The following ZNF385B variants were observed in gnomAD, a reference collection of about 807,000 sequenced individuals.
The protein encoded by ZNF385B is zinc finger protein 385B, also known as zinc finger protein 533.
ZNF385B carries 23 observed loss-of-function variants against 39.2 expected under a neutral mutation model. The ratio of observed to expected loss-of-function variants is 0.59; its 90% CI spans 0.42 to 0.83. The LOEUF (loss-of-function observed/expected upper bound fraction) is 0.83, where lower values mean the gene tolerates loss of function less well. Among genes scored for constraint, ZNF385B ranks in the 40% least tolerant of loss-of-function variants. ZNF385B has a pLI of 0.00. For missense variants in ZNF385B, 552 were observed against 598.9 expected (o/e 0.92, Z 0.82); for synonymous variants, 205 against 222.6 (o/e 0.92, Z 0.70).
At chr2:179,758,509 G>A (rs1703181671) in intron 3 of ZNF385B, among the ~76,000 whole-genome samples, 1 of 152,134 alleles carries the variant, frequency 6.6e-6, no homozygotes. Flanking sequence ...ACCTCTCAAA[G>A]GCACCACCTC....
intron 3 of ZNF385B, among the ~76,000 whole-genome samples, chr2:179,728,727 T>C (rs967895624): frequency 1.4e-4 from 21 of 152,218 alleles, no homozygotes; most frequent in African/African-American, 2.6e-4. Context: ...CTCTAATCTT[T>C]AGGGAAGACT....
At chr2:179,609,879 A>C (rs1182259744) in intron 3 of ZNF385B, among the ~76,000 whole-genome samples, 1 of 152,192 alleles carries the variant, frequency 6.6e-6, no homozygotes, top group African/African-American at 2.4e-5. Context: ...CCTTTGAGAA[A>C]TGTCTATTCA....
At chr2:179,739,452 G>A (rs1232859812) in intron 3 of ZNF385B, among the ~76,000 whole-genome samples, 1 of 152,182 alleles carries the variant, frequency 6.6e-6, no homozygotes, top group Non-Finnish European at 1.5e-5. Flanking sequence ...GAATAGTTTT[G>A]TTGGTTGAAC....
chr2:179,791,374 A>T (rs1370189556), intron 1 of ZNF385B, among the ~76,000 whole-genome samples: 2 of 152,200 alleles, frequency 1.3e-5, no homozygotes, highest in African/African-American at 4.8e-5. Context: ...AAACCCTGAG[A>T]GCTATACTGA....
intron 1 of ZNF385B, among the ~76,000 whole-genome samples, chr2:179,848,259 C>A (rs1177286599): frequency 6.6e-6 from 1 of 152,138 alleles, no homozygotes; most frequent in East Asian, 1.9e-4. Context: ...AATTTTACAT[C>A]CAGGGACAGT....
chr2:179,847,100 C>T (rs1392683405), intron 1 of ZNF385B, among the ~76,000 whole-genome samples: 1 of 152,178 alleles, frequency 6.6e-6, no homozygotes, highest in Non-Finnish European at 1.5e-5. Context: ...TATACTCTTC[C>T]CCTAAAACTG....
intron 3 of ZNF385B, among the ~76,000 whole-genome samples, chr2:179,612,137 A>G (rs1012020964): frequency 1.3e-5 from 2 of 152,034 alleles, no homozygotes; most frequent in Non-Finnish European, 2.9e-5. Context: ...GTTATCTTAA[A>G]TTTCATTGAG....
Position 179,543,192 on chromosome 2 carries a change from A to G in ZNF385B, c.441+1635T>C, listed in dbSNP as rs369135546. Among the ~76,000 whole-genome samples, 7 of 152,300 alleles carry G rather than the reference A, an allele frequency of 4.6e-5. No individual in the cohort carries two copies. The East Asian group carries it at 1.4e-3, about 29-fold the overall frequency. Reference sequence around the variant, plus strand: ...GAGGCTGAGACACAAGAATCACTTGAACCTGGAAGGTGGAGGCTGCAGTGA... The same window carrying G: ...GAGGCTGAGACACAAGAATCACTTGGACCTGGAAGGTGGAGGCTGCAGTGA... On this transcript the variant is annotated intron_variant, in intron 4 of 9. Transcript: ENST00000410066.
intron 1 of ZNF385B, among the ~76,000 whole-genome samples, chr2:179,773,863 T>G (rs751846609): frequency 1.3e-5 from 2 of 152,224 alleles, no homozygotes; most frequent in Non-Finnish European, 2.9e-5. Context: ...AAACTATGTT[T>G]TATTCATCTT....
intron 6 of ZNF385B, among the ~76,000 whole-genome samples, chr2:179,462,200 C>T (rs150009013): frequency 6.6e-6 from 1 of 152,262 alleles, no homozygotes; most frequent in African/African-American, 2.4e-5. Flanking sequence ...AAGCAATGCC[C>T]ATATTACTGT....
intron 1 of ZNF385B, among the ~76,000 whole-genome samples, chr2:179,800,039 C>T (rs996910141): frequency 2.0e-5 from 3 of 151,994 alleles, no homozygotes; most frequent in South Asian, 4.1e-4. Context: ...AAAACATTTT[C>T]GAATAAAGCA....
At chr2:179,582,803 A>C (rs1357069882) in intron 3 of ZNF385B, among the ~76,000 whole-genome samples, 4 of 152,168 alleles carry the variant, frequency 2.6e-5, no homozygotes, top group African/African-American at 9.7e-5. Context: ...TAATGTCAAC[A>C]TCTTATGTTA....
intron 3 of ZNF385B, among the ~76,000 whole-genome samples, chr2:179,643,134 T>TA (rs1692414793): frequency 6.6e-6 from 1 of 151,764 alleles, no homozygotes; most frequent in Non-Finnish European, 1.5e-5. Context: ...TATTTTTGTT[T>TA]TTTTTTGGTC....
intron 3 of ZNF385B, among the ~76,000 whole-genome samples, chr2:179,570,148 C>A (rs569768096): frequency 9.2e-5 from 14 of 152,094 alleles, no homozygotes; most frequent in Admixed American, 7.2e-4. Context: ...TGAATCATAT[C>A]CAGCCAAGAG....
At chr2:179,530,168 T>C (rs574943072) in intron 4 of ZNF385B, among the ~76,000 whole-genome samples, 15 of 152,302 alleles carry the variant, frequency 9.8e-5, no homozygotes, top group African/African-American at 3.4e-4. Flanking sequence ...TTGTTTTCTT[T>C]TTAAATAGTG....
chr2:179,745,472 A>T (rs1702323198), intron 3 of ZNF385B, among the ~76,000 whole-genome samples: 1 of 152,168 alleles, frequency 6.6e-6, no homozygotes, highest in Admixed American at 6.6e-5. Flanking sequence ...TACTGGTAAG[A>T]TGTCCTCGGC....
At chr2:179,631,872 AAAAC>A (rs1382765600) in intron 3 of ZNF385B, among the ~76,000 whole-genome samples, 1 of 152,062 alleles carries the variant, frequency 6.6e-6, no homozygotes, top group African/African-American at 2.4e-5. Flanking sequence ...ACAAACAAAA[AAAAC>A]AAACAGTGGT....
chr2:179,795,571 T>C (rs923876610), intron 1 of ZNF385B, among the ~76,000 whole-genome samples: 1 of 152,178 alleles, frequency 6.6e-6, no homozygotes, highest in Non-Finnish European at 1.5e-5. Flanking sequence ...TTATAAATAA[T>C]GTAAAGTCTA....
chr2:179,816,959 C>G (rs988023881), intron 1 of ZNF385B, among the ~76,000 whole-genome samples: 1 of 152,054 alleles, frequency 6.6e-6, no homozygotes, highest in Non-Finnish European at 1.5e-5. Context: ...CTTCAAGAAA[C>G]AAACATCTGA....
Sources: allele counts gnomAD v4.1 joint callset (sites outside exome capture counted in the v4.1 genomes callset), GRCh38; gene constraint gnomAD v4.1.1; transcripts MANE v1.5; gene names NCBI Gene and HGNC (gene_info 2026-07-23, HGNC 2026-07-21).